The following ASTN2 variants were observed in gnomAD, a reference collection of about 807,000 sequenced individuals.
ASTN2 encodes astrotactin-2.
In ASTN2, 54 loss-of-function variants were observed where a neutral mutation model predicts 139.8. The observed-to-expected ratio is 0.39, with a 90% confidence interval of 0.31 to 0.48. The LOEUF (loss-of-function observed/expected upper bound fraction) is 0.48. Ranked by LOEUF, ASTN2 falls within the 20% of genes least tolerant of loss-of-function variation. The pLI is 0.95. For synonymous variants in ASTN2, 756 were observed against 719.5 expected (o/e 1.05, Z -0.81); for missense variants, 1,565 against 1,725.1 (o/e 0.91, Z 1.64).
At chr9:116,522,415 T>A (rs1850914594) in intron 19 of ASTN2, among the ~76,000 whole-genome samples, 1 of 152,074 alleles carries the variant, frequency 6.6e-6, no homozygotes, top group Admixed American at 6.6e-5. Flanking sequence ...AACTCAGGAA[T>A]AGAAAACCAG....
intron 5 of ASTN2, among the ~76,000 whole-genome samples, chr9:117,057,197 T>C (rs1040345144): frequency 3.9e-5 from 6 of 152,212 alleles, no homozygotes; most frequent in African/African-American, 9.6e-5. Flanking sequence ...TCATGGTTCC[T>C]CCTAGCCTAA....
intron 1 of ASTN2, among the ~76,000 whole-genome samples, chr9:117,400,557 G>T (rs1408352555): frequency 6.6e-6 from 1 of 152,200 alleles, no homozygotes; most frequent in Admixed American, 6.5e-5. Context: ...CCCTCCCTGG[G>T]GAAGGCTAGA....
chr9:117,210,596 G>A (rs553472235), intron 3 of ASTN2, among the ~76,000 whole-genome samples: 1 of 152,126 alleles, frequency 6.6e-6, no homozygotes, highest in South Asian at 2.1e-4. Context: ...TACAGGACCA[G>A]ATGGCTTCAC....
At position 116,688,851 on chromosome 9, in the gene ASTN2, A is replaced by T. The variant is rs541449335; in HGVS notation, c.2806+36920T>A. Among the ~76,000 whole-genome samples, 4 of 151,952 alleles carry T rather than the reference A, an allele frequency of 2.6e-5. No individual in the cohort carries two copies. The South Asian group carries it at 8.3e-4, about 32-fold the overall frequency. Reference sequence around the variant, plus strand: ...GTGAGTGAGGTGTTTGGGCTCGGAGACAGACAAAACAACAACAACAACCAC... The same window carrying T: ...GTGAGTGAGGTGTTTGGGCTCGGAGTCAGACAAAACAACAACAACAACCAC... On this transcript the variant is annotated intron_variant, in intron 16 of 22. Transcript: ENST00000313400.
chr9:117,340,426 G>A (rs905610406), intron 1 of ASTN2, among the ~76,000 whole-genome samples: 2 of 150,802 alleles, frequency 1.3e-5, no homozygotes, highest in African/African-American at 4.9e-5. Flanking sequence ...CAGGAACACC[G>A]GTTATAGAAG....
chr9:116,464,671 A>T (rs1487027422), intron 20 of ASTN2, among the ~76,000 whole-genome samples: 1 of 152,164 alleles, frequency 6.6e-6, no homozygotes. Context: ...CTGCATGACT[A>T]ACATATTGAG....
chr9:117,054,046 A>G (rs1215941049), intron 5 of ASTN2, among the ~76,000 whole-genome samples: 4 of 152,170 alleles, frequency 2.6e-5, no homozygotes, highest in Non-Finnish European at 5.9e-5. Context: ...AAAAAAAACA[A>G]AAGAGGAGAA....
intron 11 of ASTN2, among the ~76,000 whole-genome samples, chr9:116,832,113 A>G (rs1477616056): frequency 6.6e-6 from 1 of 152,024 alleles, no homozygotes; most frequent in Non-Finnish European, 1.5e-5. Flanking sequence ...TGCAAATGGG[A>G]TTGTATTTTT....
At chr9:116,930,610 G>A (rs1420843190) in intron 10 of ASTN2, among the ~76,000 whole-genome samples, 2 of 152,296 alleles carry the variant, frequency 1.3e-5, no homozygotes, top group East Asian at 3.9e-4. Flanking sequence ...GTGACAAAGA[G>A]GGGATGGCAT....
intron 1 of ASTN2, among the ~76,000 whole-genome samples, chr9:117,385,657 C>A (rs1005067931): frequency 6.6e-6 from 1 of 151,912 alleles, no homozygotes; most frequent in African/African-American, 2.4e-5. Context: ...TCAGCTCAAG[C>A]AAGCATGCAC....
chr9:117,104,781 CAA>C (rs1829063549), intron 4 of ASTN2, among the ~76,000 whole-genome samples: 1 of 152,108 alleles, frequency 6.6e-6, no homozygotes, highest in Non-Finnish European at 1.5e-5. Flanking sequence ...TGCTAATAAA[CAA>C]AGATACCTAA....
intron 19 of ASTN2, among the ~76,000 whole-genome samples, chr9:116,572,954 G>A (rs916766505): frequency 5.9e-5 from 9 of 151,854 alleles, no homozygotes; most frequent in African/African-American, 1.9e-4. Context: ...GCCTCAAGAG[G>A]AAGAGAAAGG....
rs1354504800 is a variant in ASTN2, at chr9:116,424,084, T to G, written c.*1767A>C. Among the ~76,000 whole-genome samples, 4 of 152,208 alleles carry G rather than the reference T, an allele frequency of 2.6e-5. No individual in the cohort carries two copies. The highest frequency in any genetic ancestry group is 2.6e-4 in the Admixed American group (4 of 15,284). ...CATCTGCTCAAGCTAGGTAGCTTAT[T>G]TGAGCTAATATGAGGGTGTTAAGAA... On this transcript the variant is annotated 3_prime_UTR_variant, in exon 23 of 23. Coordinates refer to ENST00000313400, the MANE Select transcript of ASTN2 (RefSeq NM_001365068.1).
chr9:116,921,803 C>T lies in ASTN2; in HGVS notation c.1889+53405G>A, dbSNP rs147540270. Among the ~76,000 whole-genome samples, 13 of 152,204 alleles carry T rather than the reference C, an allele frequency of 8.5e-5. No homozygotes were observed. The East Asian group carries it at 2.5e-3, about 29-fold the overall frequency. ...ACACTTATCTGATCTTGTGAGAACT[C>T]ACTCACCATTATGAGAACAGTATGG... On this transcript the variant is annotated intron_variant, in intron 10 of 22. Coordinates refer to ENST00000313400, the MANE Select transcript of ASTN2 (RefSeq NM_001365068.1).
intron 16 of ASTN2, among the ~76,000 whole-genome samples, chr9:116,682,304 T>C (rs1588188774): frequency 6.6e-6 from 1 of 152,082 alleles, no homozygotes; most frequent in African/African-American, 2.4e-5. Context: ...ATCAGAGAAA[T>C]GCAAATCAAA....
chr9:117,190,486 C>T (rs1301516087), intron 3 of ASTN2, among the ~76,000 whole-genome samples: 1 of 152,134 alleles, frequency 6.6e-6, no homozygotes, highest in African/African-American at 2.4e-5. Flanking sequence ...ATTCATTCCC[C>T]CATTTTCCAA....
intron 1 of ASTN2, among the ~76,000 whole-genome samples, chr9:117,333,972 A>G (rs1828795766): frequency 6.6e-6 from 1 of 152,200 alleles, no homozygotes; most frequent in Non-Finnish European, 1.5e-5. Flanking sequence ...AATAGGCTGC[A>G]GAACCTGGTT....
At chr9:116,548,272 G>C (rs1852192400) in intron 19 of ASTN2, among the ~76,000 whole-genome samples, 1 of 152,140 alleles carries the variant, frequency 6.6e-6, no homozygotes, top group Non-Finnish European at 1.5e-5. Context: ...TCAAAGTCGA[G>C]GCCAAGGGGA....
chr9:116,957,986 A>C (rs1426877896), intron 10 of ASTN2, among the ~76,000 whole-genome samples: 1 of 152,096 alleles, frequency 6.6e-6, no homozygotes, highest in African/African-American at 2.4e-5. Context: ...GCCTAGATTC[A>C]GATTATGTAT....
Sources: allele counts gnomAD v4.1 joint callset (sites outside exome capture counted in the v4.1 genomes callset), GRCh38; gene constraint gnomAD v4.1.1; transcripts MANE v1.5; gene names NCBI Gene and HGNC (gene_info 2026-07-23, HGNC 2026-07-21).